The following NFIA variants were observed in gnomAD, a reference collection of about 807,000 sequenced individuals.
NFIA encodes nuclear factor 1 A-type.
NFIA carries 8 observed loss-of-function variants against 62.8 expected under a neutral mutation model. The observed-to-expected ratio is 0.13, with a 90% CI of 0.07 to 0.23. The LOEUF (loss-of-function observed/expected upper bound fraction) is 0.23. Ranked by LOEUF, NFIA falls within the 10% of genes least tolerant of loss-of-function variation. NFIA has a pLI of 1.00. For synonymous variants in NFIA, 235 were observed against 238.1 expected (o/e 0.99, Z 0.12); for missense variants, 410 against 642.1 (o/e 0.64, Z 3.91).
upstream of NFIA, chr1:61,082,406 G>A: frequency 1.1e-6 from 1 of 901,488 alleles, no homozygotes; most frequent in African/African-American, 1.8e-5. Context: ...GCGGGCGGCG[G>A]CTGTGCGGTG....
intron 5 of NFIA, among the ~76,000 whole-genome samples, chr1:61,358,379 C>CTTTCTTTTTTTTTTTTTTTTTTTTTTTT (rs71582639): frequency 3.0e-4 from 16 of 52,624 alleles, no homozygotes; most frequent in African/African-American, 5.9e-4. Context: ...TTCTTTCTTT[C>CTTTCTTTTTTTTTTTTTTTTTTTTTTTT]TTTTTTTTTT....
At chr1:61,440,751 C>G (rs918440124) in intron 10 of NFIA, among the ~76,000 whole-genome samples, 13 of 151,110 alleles carry the variant, frequency 8.6e-5, no homozygotes, top group African/African-American at 3.2e-4. Context: ...GCTCTGGATA[C>G]TGTCTACTTT....
chr1:61,126,437 AACACACACACACACAC>A (rs61077935), intron 2 of NFIA, among the ~76,000 whole-genome samples: 2 of 74,800 alleles, frequency 2.7e-5, no homozygotes, highest in Admixed American at 3.0e-4. Flanking sequence ...TTTGAAAATG[AACACACACACACACAC>A]ACACACACAC....
intron 2 of NFIA, among the ~76,000 whole-genome samples, chr1:61,189,492 C>A (rs946744637): frequency 2.0e-5 from 3 of 152,028 alleles, no homozygotes; most frequent in Non-Finnish European, 2.9e-5. Flanking sequence ...TGGTGAAACC[C>A]CCTCTCTACT....
intron 3 of NFIA, among the ~76,000 whole-genome samples, chr1:61,328,540 C>T (rs1481489944): frequency 6.6e-6 from 1 of 151,480 alleles, no homozygotes; most frequent in Non-Finnish European, 1.5e-5. Flanking sequence ...CCTGCCTCAG[C>T]CCTCCCGAGT....
rs1489740169 is a variant in NFIA at position 61,398,398 on chromosome 1, TTC to T, written c.1076-5704_1076-5703del. On this transcript the variant is annotated intron_variant, in intron 7 of 10. Transcript: ENST00000403491. Reference sequence around the variant, plus strand: ...TTCTTGTGTGGGTCTTTCTTTTTCTTTCTGTTTTTCCAAAAGACATTAGAATT... The same window carrying T: ...TTCTTGTGTGGGTCTTTCTTTTTCTTTGTTTTTCCAAAAGACATTAGAATT... Among the ~76,000 whole-genome samples the T allele has an allele frequency of 3.9e-5, 6 of 152,336 alleles. No homozygotes were observed. In the East Asian group the frequency reaches 1.2e-3, roughly 29 times the overall value.
At chr1:61,083,251 G>A (rs1010991252) in intron 1 of NFIA, among the ~76,000 whole-genome samples, 107 of 152,208 alleles carry the variant, frequency 7.0e-4, no homozygotes, top group Non-Finnish European at 1.2e-3. Context: ...CAGCGCCCGG[G>A]GAGGGGGCCG....
intron 6 of NFIA, among the ~76,000 whole-genome samples, chr1:61,373,790 G>T (rs552012404): frequency 1.4e-5 from 2 of 143,782 alleles, no homozygotes; most frequent in African/African-American, 5.0e-5. Context: ...AATATGTTTC[G>T]CTTTTGGAAG....
chr1:61,446,938 A>G (rs922579974), intron 10 of NFIA, among the ~76,000 whole-genome samples: 5 of 152,138 alleles, frequency 3.3e-5, no homozygotes, highest in African/African-American at 1.2e-4. Flanking sequence ...CTCTCTTTTT[A>G]AACAAGAAAG....
intron 1 of NFIA, among the ~76,000 whole-genome samples, chr1:61,085,100 C>T (rs1002881563): frequency 1.3e-5 from 2 of 151,838 alleles, no homozygotes; most frequent in Non-Finnish European, 2.9e-5. Context: ...AGAAGAACTT[C>T]GGTAGTTTAT....
intron 3 of NFIA, among the ~76,000 whole-genome samples, chr1:61,324,234 C>T (rs1411005885): frequency 6.6e-6 from 1 of 152,186 alleles, no homozygotes; most frequent in Non-Finnish European, 1.5e-5. Context: ...CACAGACCTG[C>T]ACAGCACAGG....
chr1:61,279,978 A>C (rs189639160), intron 3 of NFIA, among the ~76,000 whole-genome samples: 2 of 152,354 alleles, frequency 1.3e-5, no homozygotes, highest in East Asian at 3.9e-4. Context: ...GAAAGTATTA[A>C]TATCTAGGAG....
At chr1:61,393,118 T>TAA (rs1665067446) in intron 7 of NFIA, among the ~76,000 whole-genome samples, 1 of 150,196 alleles carries the variant, frequency 6.7e-6, no homozygotes, top group Admixed American at 6.7e-5. Flanking sequence ...TGGTTTAGCT[T>TAA]AACCTAAGTT....
intron 2 of NFIA, among the ~76,000 whole-genome samples, chr1:61,262,653 C>A (rs182940682): frequency 8.0e-4 from 122 of 152,196 alleles, no homozygotes; most frequent in African/African-American, 2.8e-3. Context: ...AAAAGGAAAT[C>A]ATTAAGTCAA....
chr1:61,426,391 CTG>C, intron 9 of NFIA, 72 bp from the exon 10 acceptor site: 1 of 988,720 alleles, frequency 1.0e-6, no homozygotes, highest in South Asian at 1.4e-5. Context: ...GGCTCGGAGA[CTG>C]TGTGTTTTGG....
chr1:61,181,724 C>G (rs930946855), intron 2 of NFIA, among the ~76,000 whole-genome samples: 1 of 152,136 alleles, frequency 6.6e-6, no homozygotes, highest in Admixed American at 6.5e-5. Flanking sequence ...AAAACCACCT[C>G]ATAATATTTC....
chr1:61,187,756 C>A (rs1651299668), intron 2 of NFIA, among the ~76,000 whole-genome samples: 1 of 152,200 alleles, frequency 6.6e-6, no homozygotes, highest in Admixed American at 6.5e-5. Flanking sequence ...GCCTTGAAGA[C>A]TTCAGAACCG....
At chr1:61,213,573 G>A (rs4915732) in intron 2 of NFIA, among the ~76,000 whole-genome samples, 2 of 152,178 alleles carry the variant, frequency 1.3e-5, no homozygotes, top group South Asian at 2.1e-4. Context: ...AAGAACCTCA[G>A]CTCTGTAGTG....
chr1:61,311,826 G>A (rs972333098), intron 3 of NFIA, among the ~76,000 whole-genome samples: 3 of 152,112 alleles, frequency 2.0e-5, no homozygotes, highest in Admixed American at 6.5e-5. Flanking sequence ...AGTCTTAACC[G>A]TTAATGTTTG....
Sources: allele counts gnomAD v4.1 joint callset (sites outside exome capture counted in the v4.1 genomes callset), GRCh38; gene constraint gnomAD v4.1.1; transcripts MANE v1.5; gene names NCBI Gene and HGNC (gene_info 2026-07-23, HGNC 2026-07-21).